SPTLC3: variants seen among roughly 807,000 people sequenced by gnomAD.
The protein encoded by SPTLC3 is serine palmitoyltransferase long chain base subunit 3, also known as serine palmitoyltransferase 3.
A neutral mutation model predicts 59.3 loss-of-function variants in SPTLC3; 36 were observed. The observed-to-expected ratio is 0.61, with a 90% CI of 0.47 to 0.80. The LOEUF (loss-of-function observed/expected upper bound fraction) is 0.80, where lower values mean the gene tolerates loss of function less well. SPTLC3 is among the 30% of genes least tolerant of loss of function. The probability of loss-of-function intolerance (pLI) is 0.00; values close to 1 mark genes in which losing one functional copy is unlikely to be tolerated. For synonymous variants in SPTLC3, 257 were observed against 240.8 expected (o/e 1.07, Z -0.62); for missense variants, 625 against 685.1 (o/e 0.91, Z 0.98).
At chr20:13,089,772 C>CTG (rs1989145430) in intron 4 of SPTLC3, among the ~76,000 whole-genome samples, 2 of 127,268 alleles carry the variant, frequency 1.6e-5, no homozygotes. Context: ...GATGACAGAG[C>CTG]GAGATTCTAT....
intron 6 of SPTLC3, among the ~76,000 whole-genome samples, chr20:13,105,234 C>A (rs1989817297): frequency 6.6e-6 from 1 of 151,552 alleles, no homozygotes; most frequent in South Asian, 2.1e-4. Context: ...TTCTGTGATT[C>A]TAAGAGGTCG....
At chr20:13,122,799 T>C (rs558262779) in intron 8 of SPTLC3, among the ~76,000 whole-genome samples, 48 of 152,290 alleles carry the variant, frequency 3.2e-4, no homozygotes, top group African/African-American at 1.1e-3. Context: ...AAAATGTCTC[T>C]CTTTTCCTTT....
chr20:13,067,446 C>T (rs1341432964), intron 2 of SPTLC3, among the ~76,000 whole-genome samples: 1 of 152,086 alleles, frequency 6.6e-6, no homozygotes, highest in Non-Finnish European at 1.5e-5. Context: ...GGTTTAATTT[C>T]CCCAGTGATC....
intron 2 of SPTLC3, among the ~76,000 whole-genome samples, chr20:13,055,493 A>G (rs138747964): frequency 6.4e-4 from 98 of 152,270 alleles, no homozygotes; most frequent in African/African-American, 2.2e-3. Context: ...ATAATAAATC[A>G]GCACATTTCA....
intron 4 of SPTLC3, among the ~76,000 whole-genome samples, chr20:13,080,140 A>G (rs1462182539): frequency 6.6e-6 from 1 of 152,204 alleles, no homozygotes; most frequent in Non-Finnish European, 1.5e-5. Context: ...CTTAACACTT[A>G]GAGACTCTCA....
At chr20:13,088,895 T>C (rs1385750329) in intron 4 of SPTLC3, among the ~76,000 whole-genome samples, 1 of 150,112 alleles carries the variant, frequency 6.7e-6, no homozygotes, top group Non-Finnish European at 1.5e-5. Context: ...TCTCCCAAAG[T>C]GCTGGGATTA....
At chr20:13,164,134 T>C (rs1484906293) in intron 11 of SPTLC3, among the ~76,000 whole-genome samples, 1 of 152,172 alleles carries the variant, frequency 6.6e-6, no homozygotes, top group Non-Finnish European at 1.5e-5. Context: ...GACCTTTTTT[T>C]ACTTCCTGGA....
At chr20:13,087,359 G>A (rs1989037864) in intron 4 of SPTLC3, among the ~76,000 whole-genome samples, 1 of 152,194 alleles carries the variant, frequency 6.6e-6, no homozygotes, top group Non-Finnish European at 1.5e-5. Flanking sequence ...GGGTGACTGG[G>A]CCAGTTTCCT....
chr20:13,115,319 C>G (rs1431481851), intron 7 of SPTLC3, among the ~76,000 whole-genome samples: 2 of 152,066 alleles, frequency 1.3e-5, no homozygotes, highest in African/African-American at 4.8e-5. Context: ...TGTGTGTGCC[C>G]TGCATTAACT....
At chr20:13,132,572 C>A (rs1482770933) in intron 9 of SPTLC3, among the ~76,000 whole-genome samples, 2 of 152,174 alleles carry the variant, frequency 1.3e-5, no homozygotes, top group African/African-American at 4.8e-5. Context: ...TCCAGGAGAA[C>A]AAGCACTTTG....
At chr20:13,157,911 G>C (rs1327400191) in intron 10 of SPTLC3, among the ~76,000 whole-genome samples, 1 of 152,190 alleles carries the variant, frequency 6.6e-6, no homozygotes, top group Non-Finnish European at 1.5e-5. Flanking sequence ...TTTTATTAAA[G>C]AATGGTGATC....
intron 10 of SPTLC3, among the ~76,000 whole-genome samples, chr20:13,157,551 C>T (rs1600404652): frequency 6.6e-6 from 1 of 152,096 alleles, no homozygotes; most frequent in Non-Finnish European, 1.5e-5. Context: ...ACAGCACAAC[C>T]TCTCAAGCTT....
rs139162158 is a variant in SPTLC3 at position 13,139,030 on chromosome 20, G to C, written c.1279+12313G>C. Among the ~76,000 whole-genome samples, 20 of 152,286 alleles carry C rather than the reference G, an allele frequency of 1.3e-4. No homozygotes were observed. In the East Asian group the frequency reaches 3.9e-3, roughly 29 times the overall value. ...ACAGCTAATCCTCTCTATCCAAGTT[G>C]AGTACATTTCTAAAATAGAGGAGGG... On this transcript the variant is annotated intron_variant, in intron 9 of 11. Coordinates refer to ENST00000399002, the MANE Select transcript of SPTLC3 (RefSeq NM_018327.4).
chr20:13,033,404 G>C (rs1027443559), intron 1 of SPTLC3, among the ~76,000 whole-genome samples: 1 of 152,134 alleles, frequency 6.6e-6, no homozygotes, highest in Non-Finnish European at 1.5e-5. Flanking sequence ...GGCTAACAAA[G>C]GTTCTGGAAT....
At chr20:13,048,269 C>A (rs1221189536) in intron 1 of SPTLC3, among the ~76,000 whole-genome samples, 1 of 152,104 alleles carries the variant, frequency 6.6e-6, no homozygotes, top group Non-Finnish European at 1.5e-5. Flanking sequence ...TGGTTTTTCA[C>A]ACAAAAATTA....
chr20:13,145,180 A>T (rs1441814871), intron 9 of SPTLC3, among the ~76,000 whole-genome samples: 1 of 152,198 alleles, frequency 6.6e-6, no homozygotes, highest in Non-Finnish European at 1.5e-5. Context: ...GCACCCAAAT[A>T]GGAAGAGAGG....
At chr20:13,108,074 C>T (rs1184055580) in intron 6 of SPTLC3, among the ~76,000 whole-genome samples, 8 of 152,088 alleles carry the variant, frequency 5.3e-5, no homozygotes, top group African/African-American at 1.4e-4. Flanking sequence ...TTTCAGGACC[C>T]GATACCCAGT....
intron 3 of SPTLC3, among the ~76,000 whole-genome samples, chr20:13,073,417 T>C (rs989235945): frequency 3.9e-5 from 6 of 152,144 alleles, no homozygotes; most frequent in African/African-American, 1.4e-4. Context: ...TTGAAAACAA[T>C]GCAAGTTAAT....
chr20:13,034,206 A>T (rs1293119050), intron 1 of SPTLC3, among the ~76,000 whole-genome samples: 1 of 150,250 alleles, frequency 6.7e-6, no homozygotes, highest in East Asian at 1.9e-4. Flanking sequence ...GAAAAAAAAA[A>T]TGTATTTGAT....
Sources: allele counts gnomAD v4.1 joint callset (sites outside exome capture counted in the v4.1 genomes callset), GRCh38; gene constraint gnomAD v4.1.1; transcripts MANE v1.5; gene names NCBI Gene and HGNC (gene_info 2026-07-23, HGNC 2026-07-21).